The following SIGLEC7 variants were observed in gnomAD, a reference collection of about 807,000 sequenced individuals.
The protein encoded by SIGLEC7 is sialic acid binding Ig like lectin 7.
SIGLEC7 carries 33 observed loss-of-function variants against 40.8 expected under a neutral mutation model. The observed-to-expected ratio is 0.81, with a 90% CI of 0.61 to 1.08. The LOEUF (loss-of-function observed/expected upper bound fraction) is 1.08. Ranked by LOEUF, SIGLEC7 falls within the 50% of genes least tolerant of loss-of-function variation. SIGLEC7 has a pLI of 0.00. For missense variants in SIGLEC7, 513 were observed against 576.1 expected (o/e 0.89, Z 1.12); for synonymous variants, 242 against 237.6 (o/e 1.02, Z -0.17).
intron 4 of SIGLEC7, 39 bp downstream of exon 4, chr19:51,146,160 C>T: frequency 1.3e-6 from 2 of 1,596,674 alleles, no homozygotes; most frequent in Non-Finnish European, 1.7e-6. Flanking sequence ...AACACACCTG[C>T]CCCACCCTCA....
chr19:51,147,419 C>T (rs1333060011), intron 6 of SIGLEC7, 102 bp downstream of exon 6: 11 of 899,864 alleles, frequency 1.2e-5, no homozygotes, highest in African/African-American at 1.7e-5. Flanking sequence ...ATTATCTCCT[C>T]ATCTCCTCCT....
intron 2 of SIGLEC7, 51 bp from the exon 3 acceptor site, chr19:51,144,861 A>T: frequency 6.3e-7 from 1 of 1,589,642 alleles, no homozygotes; most frequent in African/African-American, 1.3e-5. Context: ...AGACAGGGCC[A>T]GTGTCCCCAG....
chr19:51,144,751 G>A (rs1392029489), intron 2 of SIGLEC7, 67 bp downstream of exon 2: 33 of 1,589,580 alleles, frequency 2.1e-5, no homozygotes, highest in Non-Finnish European at 2.8e-5. Context: ...CAGAGGATGG[G>A]GTCAGGGCTC....
In SIGLEC7 at chr19:51,146,126, G is replaced by T. The variant is rs2092106848; in HGVS notation, c.1027+5G>T. 1.9e-6 allele frequency: 3 copies of T among 1,612,772 alleles called. No individual in the cohort carries two copies. The highest frequency in any genetic ancestry group is 2.5e-6 in the Non-Finnish European group (3 of 1,178,988). On this transcript the variant is annotated splice_donor_5th_base_variant and intron_variant, in intron 4 of 6. Coordinates refer to ENST00000317643, the MANE Select transcript of SIGLEC7 (RefSeq NM_014385.4). Reference sequence around the variant, plus strand: ...CCCTGCAACAGGAGTACACAGGTGGGTAAGGGAGGGGCTGGAGGAGGAGAA... The same window carrying T: ...CCCTGCAACAGGAGTACACAGGTGGTTAAGGGAGGGGCTGGAGGAGGAGAA...
In SIGLEC7 at chr19:51,142,307, C is replaced by T. The variant is rs567225909; in HGVS notation, c.-63C>T. ...TCTTCTAAGTCTTGAGCCCGCAGTT[C>T]CTGAGAGAAGAACCCTGAGGAACAG... On this transcript the variant is annotated 5_prime_UTR_variant, in exon 1 of 7. Transcript: ENST00000317643. The surrounding 1 kb of genome is among the most constrained non-coding windows in gnomAD (Gnocchi z 5.0). The T allele has an allele frequency of 7.6e-5, 119 of 1,572,220 alleles. No individual in the cohort carries two copies. Among genetic ancestry groups the T allele is most frequent in the Non-Finnish European group, 9.5e-5 (110 of 1,159,356 alleles).
intron 6 of SIGLEC7, among the ~76,000 whole-genome samples, chr19:51,150,758 G>A (rs577925339): frequency 6.6e-6 from 1 of 152,320 alleles, no homozygotes; most frequent in Admixed American, 6.5e-5. Flanking sequence ...CTTCCAGGCA[G>A]AGGGAGGAGC....
In SIGLEC7 at chr19:51,153,125, C is replaced by T. The variant is rs1483526512; in HGVS notation, c.1284C>T (p.Ser428=). 6.2e-7 allele frequency: 1 copy of T among 1,609,050 alleles called. No homozygotes were observed. Among genetic ancestry groups the T allele is most frequent in the East Asian group, 2.2e-5 (1 of 44,760 alleles). ...NPRHHGLAAH[S]SGEEREIQYA... ...GACACCATGGCCTGGCTGCCCACTCCTCAGGGGAGGAAAGAGAGATCCAGT... is the reference window on the plus strand; with the variant it reads ...GACACCATGGCCTGGCTGCCCACTCTTCAGGGGAGGAAAGAGAGATCCAGT... Residue 428 remains serine, a synonymous_variant, in exon 7 of 7, where the codon TCC becomes TCT. Transcript: ENST00000317643.
In SIGLEC7 at chr19:51,142,786, C is replaced by T; in HGVS notation, c.417C>T (p.Leu139=). The T allele has an allele frequency of 6.3e-7, 1 of 1,595,700 alleles. No individual in the cohort carries two copies. The highest frequency in any genetic ancestry group is 1.1e-5 in the South Asian group (1 of 87,646). ...AATGGAATTATAAATATGACCAGCT[C>T]TCTGTGAACGTGACAGGTAAGGCAC... ...NIKWNYKYDQ[L]SVNVTALTHR... is the part of the protein sequence containing the mutation. The change falls in exon 1 of 7, where the codon CTC becomes CTT. Residue 139 remains leucine (L), a synonymous_variant. Transcript: ENST00000317643. This position sits in a 1 kb window ranked among gnomAD's most constrained non-coding sequence, Gnocchi z 5.0.
At chr19:51,150,071 A>G (rs1347331265) in intron 6 of SIGLEC7, among the ~76,000 whole-genome samples, 4 of 152,210 alleles carry the variant, frequency 2.6e-5, no homozygotes. Context: ...TTTTCTAGAT[A>G]TAGAATCATG....
intron 6 of SIGLEC7, among the ~76,000 whole-genome samples, chr19:51,147,783 C>T (rs924745862): frequency 2.6e-5 from 4 of 152,154 alleles, no homozygotes; most frequent in African/African-American, 2.4e-5. Flanking sequence ...GTTCCCACCC[C>T]CAACACTGTC....
At position 51,152,032 on chromosome 19, in the gene SIGLEC7, C is replaced by T. The variant is rs552621289; in HGVS notation, c.1222-1031C>T. On this transcript the variant is annotated intron_variant, in intron 6 of 6. Coordinates refer to ENST00000317643, the MANE Select transcript of SIGLEC7 (RefSeq NM_014385.4). Reference sequence around the variant, plus strand: ...ATGCATTTCCTGGCTTCCAACAACACACATGGATTAAAGTTCTGAAGGTCA... The same window carrying T: ...ATGCATTTCCTGGCTTCCAACAACATACATGGATTAAAGTTCTGAAGGTCA... Among the ~76,000 whole-genome samples the T allele has an allele frequency of 4.6e-5, 7 of 152,288 alleles. No individual in the cohort carries two copies. In the South Asian group the frequency reaches 1.2e-3, roughly 27 times the overall value.
Position 51,153,324 on chromosome 19 carries a change from T to C in SIGLEC7, c.*79T>C, listed in dbSNP as rs1192127243. The C allele has an allele frequency of 6.1e-6, 7 of 1,143,682 alleles. No homozygotes were observed. Among genetic ancestry groups the C allele is most frequent in the Non-Finnish European group, 8.5e-6 (7 of 825,166 alleles). The allele number at this position is 1,143,682 out of a possible 1,614,324, so 70.8% of individuals were successfully genotyped here. ...AGTCTGAGGCTGATTCCAGTAGAAT[T>C]AGCAGCCCTCAATGCTGTGCAACAA... On this transcript the variant is annotated 3_prime_UTR_variant, in exon 7 of 7. Coordinates refer to ENST00000317643, the MANE Select transcript of SIGLEC7 (RefSeq NM_014385.4).
chr19:51,144,606 G>A lies in SIGLEC7; in HGVS notation c.634G>A (p.Gly212Ser), dbSNP rs979584366. The A allele has an allele frequency of 5.0e-6, 8 of 1,613,564 alleles. No individual in the cohort carries two copies. The highest frequency in any genetic ancestry group is 2.2e-5 in the East Asian group (1 of 44,870). ...LTLIPQPQHH[G>S]TSLTCQVTLP... ...CCTCATCCCACAGCCCCAGCACCAC[G>A]GCACCAGCCTCACCTGTCAGGTGAC... The change falls in exon 2 of 7, where the codon GGC becomes AGC. Residue 212 changes from glycine to serine, a missense_variant. Gly to Ser is a moderately conservative substitution (Grantham distance 56, BLOSUM62 0). Transcript: ENST00000317643.
Position 51,153,112 on chromosome 19 carries a change from T to A in SIGLEC7, c.1271T>A (p.Leu424Gln). ...GATGATAACCCCCGACACCATGGCC[T>A]GGCTGCCCACTCCTCAGGGGAGGAA... is the stretch of plus-strand genomic sequence containing the variant. ...WADDNPRHHG[L>Q]AAHSSGEERE... is the part of the protein sequence containing the mutation. Residue 424 changes from leucine (L) to glutamine (Q), a missense_variant, in exon 7 of 7, where the codon CTG becomes CAG. By Grantham distance (113) the Leu-to-Gln change is moderately radical (BLOSUM62 -2). Transcript: ENST00000317643. 6 of 1,605,876 alleles carry A rather than the reference T, an allele frequency of 3.7e-6. No individual in the cohort carries two copies. The highest frequency in any genetic ancestry group is 5.1e-6 in the Non-Finnish European group (6 of 1,176,160).
chr19:51,146,721 T>A, intron 4 of SIGLEC7, 33 bp from the exon 5 acceptor site: 1 of 1,593,236 alleles, frequency 6.3e-7, no homozygotes, highest in Non-Finnish European at 8.6e-7. Flanking sequence ...TTCTTGGAGT[T>A]GGATCACCAA....
chr19:51,142,720 T>G lies in SIGLEC7; in HGVS notation c.351T>G (p.Asp117Glu). Residue 117 changes from aspartate (D) to glutamate (E), a missense_variant, in exon 1 of 7, where the codon GAT becomes GAG. Coordinates refer to ENST00000317643, the MANE Select transcript of SIGLEC7 (RefSeq NM_014385.4). This position sits in a 1 kb window ranked among gnomAD's most constrained non-coding sequence, Gnocchi z 5.0. ...TLSIRDARMS[D>E]AGRYFFRMEK... ...GCATCAGAGATGCCAGAATGAGTGATGCGGGGAGATACTTCTTTCGTATGG... is the reference window on the plus strand; with the variant it reads ...GCATCAGAGATGCCAGAATGAGTGAGGCGGGGAGATACTTCTTTCGTATGG... The G allele has an allele frequency of 6.2e-7, 1 of 1,614,084 alleles. No individual in the cohort carries two copies. The highest frequency in any genetic ancestry group is 8.5e-7 in the Non-Finnish European group (1 of 1,179,982).
At chr19:51,149,748 G>A (rs1430958074) in intron 6 of SIGLEC7, among the ~76,000 whole-genome samples, 1 of 152,108 alleles carries the variant, frequency 6.6e-6, no homozygotes, top group African/African-American at 2.4e-5. Flanking sequence ...GGGCAGTATG[G>A]CCATTTTAAT....
In SIGLEC7 at chr19:51,142,534, G is replaced by A; in HGVS notation, c.165G>A (p.Gln55=). Residue 55 remains glutamine (Q), a synonymous_variant, in exon 1 of 7, where the codon CAG becomes CAA. Transcript: ENST00000317643. This position sits in a 1 kb window ranked among gnomAD's most constrained non-coding sequence, Gnocchi z 5.0. ...RCSFSYPVDS[Q]TDSDPVHGYW... ...CCTTCTCCTACCCAGTGGACAGCCA[G>A]ACTGACTCTGACCCAGTTCATGGCT... The A allele has an allele frequency of 6.2e-7, 1 of 1,614,174 alleles. No individual in the cohort carries two copies. The highest frequency in any genetic ancestry group is 2.2e-5 in the East Asian group (1 of 44,866).
Position 51,144,592 on chromosome 19 carries a change from A to C in SIGLEC7, c.620A>C (p.Gln207Pro). The C allele has an allele frequency of 6.2e-7, 1 of 1,613,882 alleles. No individual in the cohort carries two copies. ...TCCTCAGTGCTCACCCTCATCCCAC[A>C]GCCCCAGCACCACGGCACCAGCCTC... ...TRSSVLTLIP[Q>P]PQHHGTSLTC... Residue 207 changes from glutamine (Q) to proline (P), a missense_variant, in exon 2 of 7, where the codon CAG becomes CCG. Coordinates refer to ENST00000317643, the MANE Select transcript of SIGLEC7 (RefSeq NM_014385.4).
Sources: gnomAD v4.1 joint callset for allele counts (sites outside exome capture counted in the v4.1 genomes callset) on GRCh38, gnomAD v4.1.1 for gene constraint, Gnocchi (gnomAD v3.1) non-coding constraint, MANE v1.5 for transcripts, NCBI Gene and HGNC (gene_info 2026-07-23, HGNC 2026-07-21) for gene names.